The following NPRL3 variants were observed in gnomAD, a reference collection of about 807,000 sequenced individuals.
The protein encoded by NPRL3 is GATOR1 complex protein NPRL3.
In NPRL3, 23 loss-of-function variants were observed where a neutral mutation model predicts 57.2. The ratio of observed to expected loss-of-function variants is 0.40; its 90% CI spans 0.29 to 0.57. NPRL3 has a LOEUF of 0.57. NPRL3 is among the 20% of genes least tolerant of loss of function. The pLI, the probability that NPRL3 is intolerant of heterozygous loss-of-function variation, is 0.42. For missense variants in NPRL3, 691 were observed against 767.1 expected (o/e 0.90, Z 1.17); for synonymous variants, 333 against 321.1 (o/e 1.04, Z -0.39).
intron 8 of NPRL3, among the ~76,000 whole-genome samples, chr16:99,698 G>A (rs567645867): frequency 5.7e-4 from 86 of 150,960 alleles, no homozygotes; most frequent in Middle Eastern, 3.4e-3. Context: ...TGAGATGAGC[G>A]ATGAGTGGAT....
At chr16:133,588 T>C (rs1461428244) in intron 2 of NPRL3, among the ~76,000 whole-genome samples, 2 of 152,188 alleles carry the variant, frequency 1.3e-5, no homozygotes, top group Non-Finnish European at 2.9e-5. Context: ...CCAGGCTAGA[T>C]TTAAACTCCT....
intron 9 of NPRL3, among the ~76,000 whole-genome samples, chr16:97,498 A>G (rs1899068970): frequency 6.8e-6 from 1 of 146,688 alleles, no homozygotes; most frequent in Non-Finnish European, 1.5e-5. Context: ...GGCTAGGATG[A>G]CAGGCATGAG....
In NPRL3 at chr16:136,371, T is replaced by C. The variant is rs565005786; in HGVS notation, c.118+1779A>G. 2.0e-5 allele frequency among the ~76,000 whole-genome samples: 3 copies of C among 152,242 alleles called. No individual in the cohort carries two copies. The South Asian group carries it at 6.2e-4, about 32-fold the overall frequency. On this transcript the variant is annotated intron_variant, in intron 2 of 13. Coordinates refer to ENST00000611875, the MANE Select transcript of NPRL3 (RefSeq NM_001077350.3). ...CAGGGGCAGAACAGTGTGTATGGTG[T>C]GACTTTGCTTGTGCTTAGAAAAAAA...
At chr16:109,360 ACAGT>A (rs911121164) in intron 7 of NPRL3, among the ~76,000 whole-genome samples, 8 of 152,064 alleles carry the variant, frequency 5.3e-5, no homozygotes, top group African/African-American at 9.7e-5. Flanking sequence ...CTGCCCTCAC[ACAGT>A]CAGTGTCGCA....
In NPRL3 at chr16:86,581, G is replaced by A. The variant is rs961210233; in HGVS notation, c.*124C>T. ...GGCTTCACTGGGCCACGGCCAGCCCGCATCCACCCAATGCCAGGCCTCAGG... is the reference window on the plus strand; with the variant it reads ...GGCTTCACTGGGCCACGGCCAGCCCACATCCACCCAATGCCAGGCCTCAGG... On this transcript the variant is annotated 3_prime_UTR_variant, in exon 14 of 14. Transcript: ENST00000611875. 24 of 996,408 alleles carry A rather than the reference G, an allele frequency of 2.4e-5. No homozygotes were observed. The highest frequency in any genetic ancestry group is 8.1e-5 in the African/African-American group (5 of 61,452). 61.7% of individuals were successfully genotyped at this position (996,408 alleles called of 1,614,324 possible).
At chr16:137,962 GCTT>G (rs1901187290) in intron 2 of NPRL3, among the ~76,000 whole-genome samples, 185 bp downstream of exon 2, 1 of 151,764 alleles carries the variant, frequency 6.6e-6, no homozygotes, top group Non-Finnish European at 1.5e-5. Flanking sequence ...AGCAGTAGTT[GCTT>G]TGGTGTGGTG....
chr16:128,116 G>A (rs751649932), intron 3 of NPRL3, among the ~76,000 whole-genome samples: 27 of 151,598 alleles, frequency 1.8e-4, no homozygotes, highest in African/African-American at 5.3e-4. Flanking sequence ...CTTAGCCTCC[G>A]GAGTAGCTAG....
Position 93,306 on chromosome 16 carries a change from T to C in NPRL3, c.944A>G (p.His315Arg). 1 of 1,557,424 alleles carries C rather than the reference T, an allele frequency of 6.4e-7. No homozygotes were observed. Among genetic ancestry groups the C allele is most frequent in the Non-Finnish European group, 8.7e-7 (1 of 1,150,304 alleles). ...GATGGCCTTGCCCCAGTACACCAGATGAGCTGCAAGCTGGAAAACCTGCAG... is the reference window on the plus strand; with the variant it reads ...GATGGCCTTGCCCCAGTACACCAGACGAGCTGCAAGCTGGAAAACCTGCAG... ...ALLQVFQLAAHLVYWGKAIII... is the reference protein window; with the variant it reads ...ALLQVFQLAARLVYWGKAIII... The change falls in exon 10 of 14, where the codon CAT becomes CGT. Residue 315 changes from histidine (H) to arginine (R), a missense_variant. By Grantham distance (29) the His-to-Arg change is conservative (BLOSUM62 0). Transcript: ENST00000611875.
chr16:94,625 T>C (rs750619860), intron 9 of NPRL3, among the ~76,000 whole-genome samples: 3 of 152,208 alleles, frequency 2.0e-5, no homozygotes, highest in Non-Finnish European at 2.9e-5. Flanking sequence ...CTGCGGCACA[T>C]GCCTGTAGTC....
chr16:123,221 AGAG>A lies in NPRL3; in HGVS notation c.189-3969_189-3967del, dbSNP rs1162471510. Among the ~76,000 whole-genome samples the A allele has an allele frequency of 2.6e-5, 4 of 152,144 alleles. No individual in the cohort carries two copies. The East Asian group carries it at 7.7e-4, about 29-fold the overall frequency. On this transcript the variant is annotated intron_variant, in intron 3 of 13. Coordinates refer to ENST00000611875, the MANE Select transcript of NPRL3 (RefSeq NM_001077350.3). Reference sequence around the variant, plus strand: ...GGACTACTTGTGCCTACCTGGAGGAAGAGGAGGTTTGTGTGACATGCCTGGTCC... The same window carrying A: ...GGACTACTTGTGCCTACCTGGAGGAAGAGGTTTGTGTGACATGCCTGGTCC...
At chr16:98,895 G>A (rs983134629) in intron 8 of NPRL3, among the ~76,000 whole-genome samples, 35 of 152,240 alleles carry the variant, frequency 2.3e-4, no homozygotes, top group African/African-American at 5.3e-4. Context: ...CCGAGATTGC[G>A]CCATTGCACT....
chr16:136,974 G>A (rs565042832), intron 2 of NPRL3, among the ~76,000 whole-genome samples: 18 of 151,056 alleles, frequency 1.2e-4, no homozygotes, highest in East Asian at 9.8e-4. Flanking sequence ...TTGGGAGGCC[G>A]AGGCAGGTAG....
chr16:116,826 T>C (rs984191414), intron 5 of NPRL3, among the ~76,000 whole-genome samples: 2 of 102,404 alleles, frequency 2.0e-5, no homozygotes, highest in African/African-American at 3.9e-5. Context: ...AATACAAAAA[T>C]TAGCTGGGCG....
intron 11 of NPRL3, chr16:90,752 A>G (rs1898729590): frequency 6.6e-6 from 1 of 152,212 alleles, no homozygotes; most frequent in South Asian, 2.1e-4. Flanking sequence ...GGAACTGGGG[A>G]TGGGAATGGG....
rs767317111 is a variant in NPRL3, at chr16:89,757, C to T, written c.1307G>A (p.Gly436Asp). The T allele has an allele frequency of 6.3e-7, 1 of 1,596,422 alleles. No individual in the cohort carries two copies. The highest frequency in any genetic ancestry group is 1.4e-5 in the African/African-American group (1 of 73,926). ...DDVPFTARVG[G>D]RSLSTPNALS... ...GGCGTTGGGCGTGCTGAGGCTGCGACCGCCGACCCGGGCAGTGAAGGGGAC... is the reference window on the plus strand; with the variant it reads ...GGCGTTGGGCGTGCTGAGGCTGCGATCGCCGACCCGGGCAGTGAAGGGGAC... The change falls in exon 12 of 14, where the codon GGT becomes GAT. Residue 436 changes from glycine to aspartate, a missense_variant. Physicochemically the swap from Gly to Asp is moderately conservative, Grantham distance 94 (BLOSUM62 -1). Coordinates refer to ENST00000611875, the MANE Select transcript of NPRL3 (RefSeq NM_001077350.3).
intron 7 of NPRL3, among the ~76,000 whole-genome samples, chr16:107,887 G>A (rs185965753): frequency 2.4e-4 from 37 of 152,304 alleles, no homozygotes; most frequent in African/African-American, 8.9e-4. Context: ...CCGAGTTGAG[G>A]CATACACTCA....
intron 2 of NPRL3, among the ~76,000 whole-genome samples, chr16:134,991 G>A (rs752362104): frequency 3.2e-4 from 49 of 152,192 alleles, no homozygotes; most frequent in Admixed American, 9.2e-4. Context: ...GTGAGCCACC[G>A]CGCCCGGCCA....
At chr16:137,612 C>T (rs143778458) in intron 2 of NPRL3, among the ~76,000 whole-genome samples, 163 of 151,456 alleles carry the variant, frequency 1.1e-3, no homozygotes, top group African/African-American at 1.9e-3. Context: ...TCCAGTGGCG[C>T]GATCTCGGTT....
intron 3 of NPRL3, among the ~76,000 whole-genome samples, chr16:120,707 T>C (rs1900245603): frequency 6.6e-6 from 1 of 152,182 alleles, no homozygotes; most frequent in South Asian, 2.1e-4. Context: ...GTTAGAGTTA[T>C]CCTGGGAAAC....
Sources: allele counts gnomAD v4.1 joint callset (sites outside exome capture counted in the v4.1 genomes callset), GRCh38; gene constraint gnomAD v4.1.1; transcripts MANE v1.5; gene names NCBI Gene and HGNC (gene_info 2026-07-23, HGNC 2026-07-21).